PIK3R5: variants seen among roughly 807,000 people sequenced by gnomAD.
The protein encoded by PIK3R5 is phosphoinositide 3-kinase regulatory subunit 5.
PIK3R5 carries 32 observed loss-of-function variants against 94.9 expected under a neutral mutation model. The ratio of observed to expected loss-of-function variants is 0.34; its 90% CI spans 0.25 to 0.45. PIK3R5 has a LOEUF of 0.45. PIK3R5 is among the 20% of genes least tolerant of loss of function. The pLI is 1.00. For synonymous variants in PIK3R5, 443 were observed against 479.4 expected, an observed-to-expected ratio of 0.92 and a Z score of 0.99; for missense variants, 853 against 1,144.6, an observed-to-expected ratio of 0.75 and a Z score of 3.68.
At chr17:8,899,921 C>G (rs2090243333) in intron 5 of PIK3R5, among the ~76,000 whole-genome samples, 1 of 152,010 alleles carries the variant, frequency 6.6e-6, no homozygotes, top group African/African-American at 2.4e-5. Context: ...GCCTGTAGTC[C>G]CAGCTACTCG....
rs1011560471 is a variant in PIK3R5 at position 8,896,535 on chromosome 17, C to T, written c.413-2880G>A. Among the ~76,000 whole-genome samples the T allele has an allele frequency of 2.6e-5, 4 of 152,172 alleles. 1 individual carries two copies. The South Asian group carries it at 6.2e-4, about 24-fold the overall frequency. On this transcript the variant is annotated intron_variant, in intron 5 of 18. Coordinates refer to ENST00000447110, the MANE Select transcript of PIK3R5 (RefSeq NM_001142633.3). This position sits in a 1 kb window ranked among gnomAD's most constrained non-coding sequence, Gnocchi z 4.0. The stretch of plus-strand genomic sequence containing the variant: ...GAAGTCACCCCATACAGGCGAAGAA[C>T]GGGGTGAGTGGGCAGAACACACTCA...
intron 12 of PIK3R5, 140 bp from the exon 13 acceptor site, chr17:8,886,745 C>T: frequency 9.9e-7 from 1 of 1,010,428 alleles, no homozygotes; most frequent in East Asian, 2.4e-5. Context: ...AAGCAGGAAG[C>T]AGGGGAGGGC....
At position 8,925,477 on chromosome 17, in the gene PIK3R5, ATAG is replaced by A. The variant is rs2090863827; in HGVS notation, c.-13-13973_-13-13971del. 7.0e-6 allele frequency among the ~76,000 whole-genome samples: 1 copy of A among 142,118 alleles called. No individual in the cohort carries two copies. The highest frequency in any genetic ancestry group is 2.1e-4 in the East Asian group (1 of 4,780). 93.2% of individuals were successfully genotyped at this position (142,118 alleles called of 152,430 possible). On this transcript the variant is annotated intron_variant, in intron 1 of 18. Coordinates refer to ENST00000447110, the MANE Select transcript of PIK3R5 (RefSeq NM_001142633.3). The surrounding 1 kb of genome is among the most constrained non-coding windows in gnomAD (Gnocchi z 5.1). Reference sequence around the variant, plus strand: ...TAGATAGTAGATGGATGATAGATAGATAGTAGATGGATAGATAGTAGATGGATA... The same window carrying A: ...TAGATAGTAGATGGATGATAGATAGATAGATGGATAGATAGTAGATGGATA...
chr17:8,956,895 A>G (rs117390907), intron 1 of PIK3R5, among the ~76,000 whole-genome samples: 1 of 152,338 alleles, frequency 6.6e-6, no homozygotes, highest in Non-Finnish European at 1.5e-5. Context: ...CAAGAACAAG[A>G]GACCTCAAGA....
chr17:8,926,917 T>C (rs949993167), intron 1 of PIK3R5, among the ~76,000 whole-genome samples: 6 of 152,142 alleles, frequency 3.9e-5, no homozygotes, highest in Admixed American at 2.6e-4. Context: ...AGGTTATATA[T>C]ATATAAATTA....
intron 1 of PIK3R5, among the ~76,000 whole-genome samples, chr17:8,920,040 T>C (rs1304662169): frequency 6.6e-6 from 1 of 151,890 alleles, no homozygotes; most frequent in East Asian, 1.9e-4. Flanking sequence ...TGCACCACCA[T>C]ACCAGGCTAA....
At chr17:8,952,055 A>G (rs1261830641) in intron 1 of PIK3R5, among the ~76,000 whole-genome samples, 2 of 152,206 alleles carry the variant, frequency 1.3e-5, no homozygotes, top group Non-Finnish European at 2.9e-5. Context: ...CAATTGCTAG[A>G]GCAGCCATTA....
chr17:8,932,531 G>A (rs1352845910), intron 1 of PIK3R5, among the ~76,000 whole-genome samples: 7 of 152,194 alleles, frequency 4.6e-5, no homozygotes, highest in South Asian at 2.1e-4. Context: ...CACCGCACCC[G>A]GCCTGGAAGC....
At chr17:8,916,163 C>T (rs2090625189) in intron 1 of PIK3R5, 1 of 152,346 alleles carries the variant, frequency 6.6e-6, no homozygotes, top group African/African-American at 2.4e-5. Context: ...AGAGGGAACC[C>T]AGCCAGGGGA....
Position 8,892,967 on chromosome 17 carries a change from G to A in PIK3R5, c.482+619C>T, listed in dbSNP as rs1446029155. ...ACAGGAGTGGGTAATGAAATCATCT[G>A]GGGAGCCAAATTTGTTTCTTAAATG... On this transcript the variant is annotated intron_variant, in intron 6 of 18. Coordinates refer to ENST00000447110, the MANE Select transcript of PIK3R5 (RefSeq NM_001142633.3). This position sits in a 1 kb window ranked among gnomAD's most constrained non-coding sequence, Gnocchi z 4.3. Among the ~76,000 whole-genome samples the A allele has an allele frequency of 6.6e-6, 1 of 152,092 alleles. No homozygotes were observed. Among genetic ancestry groups the A allele is most frequent in the Non-Finnish European group, 1.5e-5 (1 of 68,026 alleles).
At chr17:8,903,884 C>T (rs2090343179) in intron 5 of PIK3R5, among the ~76,000 whole-genome samples, 1 of 152,196 alleles carries the variant, frequency 6.6e-6, no homozygotes, top group Non-Finnish European at 1.5e-5. Flanking sequence ...TTCTCTTCTT[C>T]AGAAGAGAAA....
At position 8,909,069 on chromosome 17, in the gene PIK3R5, C is replaced by G; in HGVS notation, c.204+5G>C. ...TCTGCCCTTCAATTCCTGACTCCCC[C>G]TCACCTCTCGGGTCTTCTGCAGGAT... On this transcript the variant is annotated splice_donor_5th_base_variant and intron_variant, in intron 3 of 18. Transcript: ENST00000447110. This position sits in a 1 kb window ranked among gnomAD's most constrained non-coding sequence, Gnocchi z 4.3. The G allele has an allele frequency of 6.3e-7, 1 of 1,584,988 alleles. No individual in the cohort carries two copies. Among genetic ancestry groups the G allele is most frequent in the East Asian group, 2.3e-5 (1 of 44,226 alleles).
intron 6 of PIK3R5, among the ~76,000 whole-genome samples, chr17:8,891,856 G>A (rs901821898): frequency 3.3e-5 from 5 of 151,664 alleles, no homozygotes; most frequent in Non-Finnish European, 7.4e-5. Flanking sequence ...CACCCGCGTC[G>A]GCCTCCCAAA....
Position 8,896,795 on chromosome 17 carries a change from A to G in PIK3R5, c.413-3140T>C, listed in dbSNP as rs970112061. 6.6e-6 allele frequency among the ~76,000 whole-genome samples: 1 copy of G among 152,190 alleles called. No individual in the cohort carries two copies. The highest frequency in any genetic ancestry group is 2.4e-5 in the African/African-American group (1 of 41,454). ...ATGCTGAGGGTGATGTGGGTACTTG[A>G]GCCTGGGGGAGGCAGGGAGCAACCA... On this transcript the variant is annotated intron_variant, in intron 5 of 18. Coordinates refer to ENST00000447110, the MANE Select transcript of PIK3R5 (RefSeq NM_001142633.3). The surrounding 1 kb of genome is among the most constrained non-coding windows in gnomAD (Gnocchi z 4.0).
At chr17:8,885,857 T>C (rs1479600018) in intron 14 of PIK3R5, among the ~76,000 whole-genome samples, 11 of 80,478 alleles carry the variant, frequency 1.4e-4, no homozygotes, top group Non-Finnish European at 2.0e-4. Context: ...GCCTCCTGGG[T>C]AACTCCGCCT....
Position 8,889,281 on chromosome 17 carries a change from G to C in PIK3R5, c.812-59C>G. The C allele has an allele frequency of 1.5e-6, 2 of 1,291,972 alleles. No homozygotes were observed. The highest frequency in any genetic ancestry group is 1.9e-5 in the Admixed American group (1 of 52,356). The allele number at this position is 1,291,972 out of a possible 1,614,324, so 80.0% of individuals were successfully genotyped here. ...GGGAAGAGGCCTTGGAGATTGGCCA[G>C]TCCAGTCCCCTTGCCTTGGAGAAGA... On this transcript the variant is annotated intron_variant, in intron 8 of 18. Coordinates refer to ENST00000447110, the MANE Select transcript of PIK3R5 (RefSeq NM_001142633.3). The surrounding 1 kb of genome is among the most constrained non-coding windows in gnomAD (Gnocchi z 4.1).
At chr17:8,950,157 A>G (rs1262079597) in intron 1 of PIK3R5, among the ~76,000 whole-genome samples, 1 of 152,250 alleles carries the variant, frequency 6.6e-6, no homozygotes, top group Non-Finnish European at 1.5e-5. Context: ...TGTAAAAAAT[A>G]CGAATGATAA....
At chr17:8,907,861 C>T (rs2090430653) in intron 3 of PIK3R5, among the ~76,000 whole-genome samples, 1 of 152,138 alleles carries the variant, frequency 6.6e-6, no homozygotes, top group Non-Finnish European at 1.5e-5. Flanking sequence ...TGGTCTTGAA[C>T]TCCTGGGCTC....
At chr17:8,933,689 T>C (rs1179676580) in intron 1 of PIK3R5, among the ~76,000 whole-genome samples, 2 of 152,092 alleles carry the variant, frequency 1.3e-5, no homozygotes, top group Admixed American at 6.5e-5. Context: ...TCTAGAAATA[T>C]ATAAATATAA....
Sources: allele counts gnomAD v4.1 joint callset (sites outside exome capture counted in the v4.1 genomes callset), GRCh38; gene constraint gnomAD v4.1.1; non-coding constraint Gnocchi (gnomAD v3.1); transcripts MANE v1.5; gene names NCBI Gene and HGNC (gene_info 2026-07-23, HGNC 2026-07-21).